Variants in HPSE2 observed in about 807,000 individuals in gnomAD.
The protein encoded by HPSE2 is heparanase 2 (inactive), also known as inactive heparanase-2.
HPSE2 carries 38 observed loss-of-function variants against 60.5 expected under a neutral mutation model. The ratio of observed to expected loss-of-function variants is 0.63; its 90% CI spans 0.48 to 0.82. The LOEUF (loss-of-function observed/expected upper bound fraction) is 0.82. Among genes scored for constraint, HPSE2 ranks in the 40% least tolerant of loss-of-function variants. The pLI is 0.00. For synonymous variants in HPSE2, 295 were observed against 293.2 expected, an observed-to-expected ratio of 1.01 and a Z score of -0.06; for missense variants, 713 against 740.4, an observed-to-expected ratio of 0.96 and a Z score of 0.43.
chr10:99,215,460 G>A (rs1016002862), intron 2 of HPSE2, among the ~76,000 whole-genome samples: 5 of 152,112 alleles, frequency 3.3e-5, no homozygotes, highest in Admixed American at 6.5e-5. Context: ...AGGGCCTGTC[G>A]GCGGGGTAGG....
intron 3 of HPSE2, among the ~76,000 whole-genome samples, chr10:98,748,614 T>C (rs892363783): frequency 1.3e-5 from 2 of 152,128 alleles, no homozygotes; most frequent in Non-Finnish European, 2.9e-5. Context: ...TGTAAAAGTA[T>C]ACAGGCTTGG....
intron 3 of HPSE2, among the ~76,000 whole-genome samples, chr10:99,038,516 G>C (rs1957661594): frequency 6.6e-6 from 1 of 152,066 alleles, no homozygotes; most frequent in Non-Finnish European, 1.5e-5. Context: ...TTAGGAATTG[G>C]GGGGAAGCAA....
At chr10:98,722,028 A>G (rs1948940556) in intron 4 of HPSE2, among the ~76,000 whole-genome samples, 200 bp from the exon 5 acceptor site, 1 of 151,764 alleles carries the variant, frequency 6.6e-6, no homozygotes, top group Admixed American at 6.6e-5. Context: ...TCATTTTCAA[A>G]CTAATTTTCA....
At position 98,964,922 on chromosome 10, in the gene HPSE2, T is replaced by C. The variant is rs114142210; in HGVS notation, c.610+179316A>G. ...CCATTCCTTTGGTTTCCCTCTCTTATCCATAACATTTAATCCTCAACAAGC... is the reference window on the plus strand; with the variant it reads ...CCATTCCTTTGGTTTCCCTCTCTTACCCATAACATTTAATCCTCAACAAGC... On this transcript the variant is annotated intron_variant, in intron 3 of 11. Coordinates refer to ENST00000370552, the MANE Select transcript of HPSE2 (RefSeq NM_021828.5). Among the ~76,000 whole-genome samples the C allele has an allele frequency of 3.7e-3, 560 of 152,278 alleles. 2 individuals carry two copies. The highest frequency in any genetic ancestry group is 0.013 in the African/African-American group (526 of 41,578).
intron 3 of HPSE2, among the ~76,000 whole-genome samples, chr10:99,100,809 C>A (rs1005244373): frequency 6.6e-6 from 1 of 152,172 alleles, no homozygotes; most frequent in African/African-American, 2.4e-5. Flanking sequence ...AGAAACTCTA[C>A]AAGCCAGAAG....
At chr10:98,633,189 CT>C (rs1361049641) in intron 7 of HPSE2, among the ~76,000 whole-genome samples, 1 of 151,948 alleles carries the variant, frequency 6.6e-6, no homozygotes, top group African/African-American at 2.4e-5. Flanking sequence ...ATTTTATTTT[CT>C]TTCTTTTTAT....
intron 3 of HPSE2, among the ~76,000 whole-genome samples, chr10:99,030,447 T>G (rs1475844911): frequency 6.6e-6 from 1 of 152,216 alleles, no homozygotes; most frequent in Non-Finnish European, 1.5e-5. Context: ...CAATGAGATA[T>G]AATCTCGCCC....
upstream of HPSE2, among the ~76,000 whole-genome samples, chr10:99,238,979 T>C (rs930452414): frequency 6.6e-6 from 1 of 151,986 alleles, no homozygotes; most frequent in Non-Finnish European, 1.5e-5. Flanking sequence ...GGCAACATGG[T>C]GAAACCCCGT....
chr10:98,885,135 G>T (rs1199211428), intron 3 of HPSE2, among the ~76,000 whole-genome samples: 3 of 152,136 alleles, frequency 2.0e-5, no homozygotes, highest in Non-Finnish European at 4.4e-5. Flanking sequence ...CCTTATTGGT[G>T]ACTTTTAGGG....
chr10:98,996,728 T>C (rs1166979016), intron 3 of HPSE2, among the ~76,000 whole-genome samples: 1 of 152,130 alleles, frequency 6.6e-6, no homozygotes. Flanking sequence ...TGAGTGAATA[T>C]CAAAAACATT....
intron 7 of HPSE2, among the ~76,000 whole-genome samples, chr10:98,630,133 T>C (rs930099341): frequency 5.3e-5 from 8 of 151,786 alleles, no homozygotes; most frequent in Non-Finnish European, 1.0e-4. Flanking sequence ...GGAAGACCTA[T>C]GGTTCACTAC....
chr10:98,510,405 T>A (rs890585918), intron 9 of HPSE2, among the ~76,000 whole-genome samples: 2 of 152,174 alleles, frequency 1.3e-5, no homozygotes, highest in African/African-American at 4.8e-5. Flanking sequence ...TCAGATCTTA[T>A]CCCTAGCTTT....
rs560602437 is a variant in HPSE2, at chr10:98,752,325, C to T, written c.611-8269G>A. Among the ~76,000 whole-genome samples, 7 of 152,198 alleles carry T rather than the reference C, an allele frequency of 4.6e-5. No homozygotes were observed. The South Asian group carries it at 1.5e-3, about 32-fold the overall frequency. On this transcript the variant is annotated intron_variant, in intron 3 of 11. Coordinates refer to ENST00000370552, the MANE Select transcript of HPSE2 (RefSeq NM_021828.5). ...AACTAAAATGTGATATGGTCTTAAG[C>T]AGTTAAAAGAGTACAAAGTAAAGAC...
chr10:98,889,248 G>A (rs1953262902), intron 3 of HPSE2, among the ~76,000 whole-genome samples: 1 of 151,910 alleles, frequency 6.6e-6, no homozygotes, highest in Non-Finnish European at 1.5e-5. Context: ...TGTCACCCAG[G>A]TTGGGCTGAC....
chr10:98,678,154 G>A (rs945792008), intron 6 of HPSE2, among the ~76,000 whole-genome samples: 2 of 152,146 alleles, frequency 1.3e-5, no homozygotes, highest in African/African-American at 4.8e-5. Flanking sequence ...TTATATAAGA[G>A]AAAAATGTAT....
chr10:98,923,047 T>C (rs943725130), intron 3 of HPSE2, among the ~76,000 whole-genome samples: 3 of 152,218 alleles, frequency 2.0e-5, no homozygotes, highest in African/African-American at 4.8e-5. Context: ...TTCTTTCAGA[T>C]TGAAGAACTC....
chr10:98,605,568 G>A (rs943942089), intron 9 of HPSE2, among the ~76,000 whole-genome samples: 1 of 151,746 alleles, frequency 6.6e-6, no homozygotes, highest in Non-Finnish European at 1.5e-5. Flanking sequence ...GTGTAAATGG[G>A]GATGGTTGGG....
intron 11 of HPSE2, among the ~76,000 whole-genome samples, chr10:98,464,383 T>C (rs997880872): frequency 1.3e-5 from 2 of 152,192 alleles, no homozygotes; most frequent in Non-Finnish European, 2.9e-5. Flanking sequence ...CCAAATAAAA[T>C]GACTTGCAGT....
At chr10:99,060,053 C>T (rs1958200823) in intron 3 of HPSE2, among the ~76,000 whole-genome samples, 1 of 151,926 alleles carries the variant, frequency 6.6e-6, no homozygotes. Context: ...CCCACACACA[C>T]ACACACACAA....
Sources: allele counts gnomAD v4.1 joint callset (sites outside exome capture counted in the v4.1 genomes callset), GRCh38; gene constraint gnomAD v4.1.1; transcripts MANE v1.5; gene names NCBI Gene and HGNC (gene_info 2026-07-23, HGNC 2026-07-21).